The following CFAP20DC variants were observed in gnomAD, a reference collection of about 807,000 sequenced individuals.
The protein encoded by CFAP20DC is protein CFAP20DC.
A neutral mutation model predicts 101.7 loss-of-function variants in CFAP20DC; 84 were observed. The observed-to-expected ratio is 0.83, with a 90% CI of 0.69 to 0.99. CFAP20DC has a LOEUF of 0.99. Among genes scored for constraint, CFAP20DC ranks in the 50% least tolerant of loss-of-function variants. The probability of loss-of-function intolerance (pLI) is 0.00; values close to 1 mark genes in which losing one functional copy is unlikely to be tolerated. For synonymous variants in CFAP20DC, 359 were observed against 351.2 expected (o/e 1.02, Z -0.25); for missense variants, 1,007 against 970.3 (o/e 1.04, Z -0.50).
At chr3:58,982,269 AC>A (rs1220179994) in intron 4 of CFAP20DC, among the ~76,000 whole-genome samples, 1 of 152,204 alleles carries the variant, frequency 6.6e-6, no homozygotes, top group African/African-American at 2.4e-5. Context: ...GGGACTGTAA[AC>A]TAGTTTGTAA....
intron 5 of CFAP20DC, among the ~76,000 whole-genome samples, chr3:58,931,156 G>T (rs2086613267): frequency 6.6e-6 from 1 of 152,106 alleles, no homozygotes; most frequent in Non-Finnish European, 1.5e-5. Flanking sequence ...CGCCCACGGA[G>T]TCTCACTGAA....
At position 58,967,137 on chromosome 3, in the gene CFAP20DC, G is replaced by A. The variant is rs149263492; in HGVS notation, c.279-29375C>T. On this transcript the variant is annotated intron_variant, in intron 4 of 16. Coordinates refer to ENST00000482387, the MANE Select transcript of CFAP20DC (RefSeq NM_001394063.1). Reference sequence around the variant, plus strand: ...AAAGCTATAGTAAACATGACAGTGTGGTATCAGCATAATGACAGGCATATA... The same window carrying A: ...AAAGCTATAGTAAACATGACAGTGTAGTATCAGCATAATGACAGGCATATA... Among the ~76,000 whole-genome samples, 53 of 152,120 alleles carry A rather than the reference G, an allele frequency of 3.5e-4. 2 individuals are homozygous for A. The East Asian group carries it at 0.01, about 29-fold the overall frequency.
chr3:58,940,661 C>T (rs952349162), intron 4 of CFAP20DC, among the ~76,000 whole-genome samples: 4 of 152,142 alleles, frequency 2.6e-5, no homozygotes, highest in Admixed American at 6.5e-5. Context: ...TATTCTTATA[C>T]CAATAATACA....
intron 4 of CFAP20DC, among the ~76,000 whole-genome samples, chr3:58,966,956 C>G (rs948164509): frequency 8.5e-5 from 13 of 152,298 alleles, no homozygotes; most frequent in African/African-American, 3.1e-4. Context: ...CACAAATGAT[C>G]TACAGATTTA....
At chr3:58,873,601 T>G (rs1484977715) in intron 7 of CFAP20DC, among the ~76,000 whole-genome samples, 1 of 150,212 alleles carries the variant, frequency 6.7e-6, no homozygotes, top group Non-Finnish European at 1.5e-5. Flanking sequence ...GTCAGGCAGG[T>G]GTTCAAGCAG....
chr3:58,837,898 G>T (rs191306312), intron 13 of CFAP20DC, among the ~76,000 whole-genome samples: 1 of 152,250 alleles, frequency 6.6e-6, no homozygotes, highest in East Asian at 1.9e-4. Context: ...TGCAGACAGT[G>T]TTTAATCTCC....
chr3:58,806,758 G>A (rs1449156412), intron 14 of CFAP20DC, among the ~76,000 whole-genome samples: 2 of 152,258 alleles, frequency 1.3e-5, no homozygotes, highest in African/African-American at 2.4e-5. Flanking sequence ...GCCGAAGCAG[G>A]GCGAAGCATT....
intron 15 of CFAP20DC, among the ~76,000 whole-genome samples, chr3:58,776,374 C>T (rs1256249240): frequency 6.6e-6 from 1 of 152,096 alleles, no homozygotes; most frequent in African/African-American, 2.4e-5. Flanking sequence ...ATCTTGGTCC[C>T]TCTTCTACCA....
At chr3:58,945,140 T>A (rs1280078542) in intron 4 of CFAP20DC, among the ~76,000 whole-genome samples, 3 of 152,194 alleles carry the variant, frequency 2.0e-5, no homozygotes, top group Admixed American at 1.3e-4. Flanking sequence ...AGATGAGGAA[T>A]CTAAAGCTTA....
intron 5 of CFAP20DC, among the ~76,000 whole-genome samples, chr3:58,926,639 G>A (rs969282279): frequency 2.0e-5 from 3 of 151,994 alleles, no homozygotes; most frequent in Non-Finnish European, 2.9e-5. Context: ...CTACATCATT[G>A]GCTCTATGGG....
chr3:58,932,395 A>C (rs1051375859), intron 5 of CFAP20DC, among the ~76,000 whole-genome samples: 17 of 152,150 alleles, frequency 1.1e-4, no homozygotes, highest in African/African-American at 3.9e-4. Flanking sequence ...AAGGCAGGCC[A>C]ACATTCAGAT....
chr3:59,045,191 G>A (rs1699750549), intron 3 of CFAP20DC, among the ~76,000 whole-genome samples: 1 of 151,624 alleles, frequency 6.6e-6, no homozygotes, highest in Non-Finnish European at 1.5e-5. Context: ...GCTAGTTTAT[G>A]TCTTAGAAAT....
At chr3:58,816,906 G>C (rs1484248409) in intron 14 of CFAP20DC, among the ~76,000 whole-genome samples, 3 of 152,200 alleles carry the variant, frequency 2.0e-5, no homozygotes, top group Admixed American at 6.5e-5. Context: ...CAGCTTGGAA[G>C]AGAGCAGTGG....
At chr3:59,034,343 C>T (rs1361095938) in intron 4 of CFAP20DC, among the ~76,000 whole-genome samples, 2 of 152,142 alleles carry the variant, frequency 1.3e-5, no homozygotes, top group Non-Finnish European at 2.9e-5. Flanking sequence ...TCACACATAA[C>T]AATATTAACC....
At position 58,905,470 on chromosome 3, in the gene CFAP20DC, C is replaced by T. The variant is rs187471184; in HGVS notation, c.550+8238G>A. On this transcript the variant is annotated intron_variant, in intron 6 of 16. Transcript: ENST00000482387. ...AGTAATAAAGTAAATTGAATCAGTA[C>T]GCTTTACTACTTGTCCAGCAAAAGT... is the stretch of plus-strand genomic sequence containing the variant. Among the ~76,000 whole-genome samples, 27 of 152,250 alleles carry T rather than the reference C, an allele frequency of 1.8e-4. 1 individual carries two copies. The Middle Eastern group carries it at 0.01, about 58-fold the overall frequency.
chr3:58,870,903 A>AC (rs2080138716), intron 7 of CFAP20DC, among the ~76,000 whole-genome samples: 1 of 143,068 alleles, frequency 7.0e-6, no homozygotes, highest in Non-Finnish European at 1.5e-5. Context: ...TCAAAAAAAA[A>AC]AAAAAAAAAA....
intron 12 of CFAP20DC, chr3:58,862,549 T>C: frequency 1.0e-6 from 1 of 985,378 alleles, no homozygotes; most frequent in Middle Eastern, 5.2e-4. Flanking sequence ...AGAAACTCAT[T>C]AAAAGTTGAA....
intron 4 of CFAP20DC, among the ~76,000 whole-genome samples, chr3:58,945,933 G>A (rs1017774656): frequency 6.6e-6 from 1 of 151,662 alleles, no homozygotes; most frequent in Non-Finnish European, 1.5e-5. Context: ...CTGACCTCGT[G>A]ATCGGCCCAC....
chr3:58,958,964 C>A (rs1466489695), intron 4 of CFAP20DC, among the ~76,000 whole-genome samples: 1 of 151,894 alleles, frequency 6.6e-6, no homozygotes, highest in African/African-American at 2.4e-5. Context: ...TTGATAATGT[C>A]CAATTTATCA....
Sources: allele counts gnomAD v4.1 joint callset (sites outside exome capture counted in the v4.1 genomes callset), GRCh38; gene constraint gnomAD v4.1.1; transcripts MANE v1.5; gene names NCBI Gene and HGNC (gene_info 2026-07-23, HGNC 2026-07-21).